Variants in GSE1 observed in about 807,000 individuals in gnomAD.
GSE1 encodes genetic suppressor element 1.
A neutral mutation model predicts 112.6 loss-of-function variants in GSE1; 32 were observed. That is an observed-to-expected ratio of 0.28 (90% CI 0.21 to 0.38). The LOEUF (loss-of-function observed/expected upper bound fraction) is 0.38. Ranked by LOEUF, GSE1 falls within the 10% of genes least tolerant of loss-of-function variation. The pLI is 1.00. For synonymous variants in GSE1, 1,115 were observed against 735.6 expected, an observed-to-expected ratio of 1.52 and a Z score of -8.35; for missense variants, 2,348 against 1,699.2, an observed-to-expected ratio of 1.38 and a Z score of -6.71.
At chr16:85,395,626 C>T (rs1165785759) in intron 2 of GSE1, among the ~76,000 whole-genome samples, 1 of 152,224 alleles carries the variant, frequency 6.6e-6, no homozygotes, top group Non-Finnish European at 1.5e-5. Flanking sequence ...CCAGACCTCC[C>T]TTTCTCTCCA....
At position 85,560,128 on chromosome 16, in the gene GSE1, CTTTTTTTT is replaced by C. The variant is rs377241566; in HGVS notation, c.37+3780_37+3787del. On this transcript the variant is annotated intron_variant, in intron 1 of 2. Transcript: ENST00000635906. Reference sequence around the variant, plus strand: ...CACAGAGCTTTTTTTTCTTCTTCTTCTTTTTTTTTTTTTTTTTTTTTTATGTGAGACGG... The same window carrying C: ...CACAGAGCTTTTTTTTCTTCTTCTTCTTTTTTTTTTTTTTATGTGAGACGG... Among the ~76,000 whole-genome samples the C allele has an allele frequency of 3.0e-5, 3 of 99,162 alleles. No individual in the cohort carries two copies. The East Asian group carries it at 9.2e-4, about 30-fold the overall frequency. The allele number at this position is 99,162 out of a possible 152,430, so 65.1% of individuals were successfully genotyped here. A position where few individuals can be genotyped will look rare whatever the true frequency, so the allele number is the denominator to read the frequency against.
chr16:85,482,100 T>C (rs942543785), intron 2 of GSE1, among the ~76,000 whole-genome samples: 1 of 152,220 alleles, frequency 6.6e-6, no homozygotes. Context: ...CAACTTGTCA[T>C]GTTTGTTCGG....
intron 2 of GSE1, among the ~76,000 whole-genome samples, chr16:85,545,943 C>G (rs1450529410): frequency 6.6e-6 from 1 of 151,850 alleles, no homozygotes; most frequent in Non-Finnish European, 1.5e-5. Flanking sequence ...CCACCACACT[C>G]GGCTAATTGT....
rs138593685 is a variant in GSE1 at position 85,428,756 on chromosome 16, C to A, written c.2464+71113C>A. On this transcript the variant is annotated intron_variant, in intron 2 of 2. Transcript: ENST00000637419. ...CCTGTTTGAATTCACCTCCCACCCC[C>A]CATTCTAGTTACCAGGGGTCCAGTG... 1.1e-3 allele frequency among the ~76,000 whole-genome samples: 175 copies of A among 152,270 alleles called. 1 individual carries two copies. Among genetic ancestry groups the A allele is most frequent in the Admixed American group, 8.0e-3 (123 of 15,294 alleles).
At chr16:85,663,311 C>T (rs1316934462) in intron 10 of GSE1, 33 bp from the exon 11 acceptor site, 2 of 1,610,638 alleles carry the variant, frequency 1.2e-6, no homozygotes, top group Middle Eastern at 1.7e-4. Flanking sequence ...CTGCCAGTGG[C>T]TTCAAACTCA....
At chr16:85,321,183 C>T (rs913614039) in intron 1 of GSE1, among the ~76,000 whole-genome samples, 1 of 152,190 alleles carries the variant, frequency 6.6e-6, no homozygotes, top group African/African-American at 2.4e-5. Context: ...GTTCCTGGCA[C>T]ACAGTAGGTG....
intron 2 of GSE1, among the ~76,000 whole-genome samples, chr16:85,380,915 T>A (rs2047532853): frequency 6.6e-6 from 1 of 152,194 alleles, no homozygotes. Context: ...TGGTAAAGTC[T>A]TTGCAATGCG....
At position 85,487,831 on chromosome 16, in the gene GSE1, C is replaced by T. The variant is rs80093153; in HGVS notation, c.2464+130188C>T. Among the ~76,000 whole-genome samples, 1,190 of 152,322 alleles carry T rather than the reference C, an allele frequency of 7.8e-3. 36 individuals carry two copies. In the East Asian group the frequency reaches 0.08, roughly 10 times the overall value. On this transcript the variant is annotated intron_variant, in intron 2 of 2. Transcript: ENST00000637419. Reference sequence around the variant, plus strand: ...CATCTGTGTGACCTTGCACGGTTAACGTGCCCTTTCCGCCTCAGTTGGTGG... The same window carrying T: ...CATCTGTGTGACCTTGCACGGTTAATGTGCCCTTTCCGCCTCAGTTGGTGG...
upstream of GSE1, among the ~76,000 whole-genome samples, chr16:85,607,995 T>TC (rs953279200): frequency 1.5e-4 from 23 of 151,846 alleles, no homozygotes; most frequent in African/African-American, 2.4e-4. Flanking sequence ...TCTGTATTCC[T>TC]CCCCCCCATG....
At chr16:85,356,262 G>A (rs933956692) in intron 1 of GSE1, among the ~76,000 whole-genome samples, 4 of 152,242 alleles carry the variant, frequency 2.6e-5, no homozygotes, top group African/African-American at 7.2e-5. Context: ...GGACCAGTGA[G>A]CCCAGGTGCA....
intron 1 of GSE1, among the ~76,000 whole-genome samples, chr16:85,195,675 G>T (rs1262352600): frequency 1.3e-5 from 2 of 152,204 alleles, no homozygotes; most frequent in Non-Finnish European, 2.9e-5. Context: ...GACCACTGCA[G>T]CGTCTTGTGG....
At chr16:85,651,051 TCC>T (rs2051301660) in intron 3 of GSE1, among the ~76,000 whole-genome samples, 1 of 34,518 alleles carries the variant, frequency 2.9e-5, no homozygotes, top group Non-Finnish European at 6.0e-5. Flanking sequence ...CCTCCGCCCC[TCC>T]TCCCCCTCCC....
chr16:85,481,985 C>T (rs1398684494), intron 2 of GSE1, among the ~76,000 whole-genome samples: 1 of 152,234 alleles, frequency 6.6e-6, no homozygotes, highest in Admixed American at 6.5e-5. Context: ...TGGCCGATGC[C>T]CTCGCCGGGA....
intron 2 of GSE1, among the ~76,000 whole-genome samples, chr16:85,362,578 T>G (rs1399046519): frequency 6.6e-6 from 1 of 152,200 alleles, no homozygotes; most frequent in African/African-American, 2.4e-5. Context: ...AATAAAATCC[T>G]TCTGGTAGCG....
intron 1 of GSE1, among the ~76,000 whole-genome samples, chr16:85,295,493 CT>C (rs2045341973): frequency 6.6e-6 from 1 of 152,238 alleles, no homozygotes; most frequent in Non-Finnish European, 1.5e-5. Flanking sequence ...CTGTCTCCAC[CT>C]TTCGGCTGCT....
intron 2 of GSE1, among the ~76,000 whole-genome samples, chr16:85,470,466 C>T (rs578095950): frequency 6.6e-6 from 1 of 152,336 alleles, no homozygotes; most frequent in East Asian, 1.9e-4. Context: ...CCCTTGGGGT[C>T]CCCTTCATGC....
chr16:85,520,666 A>G (rs151067546), intron 2 of GSE1, among the ~76,000 whole-genome samples: 4,566 of 151,540 alleles, frequency 0.03, 106 homozygotes, highest in South Asian at 0.1. Context: ...CAGGTAATCT[A>G]CCTGCCTCGG....
At chr16:85,623,072 C>T (rs1403069937) in intron 1 of GSE1, among the ~76,000 whole-genome samples, 2 of 152,112 alleles carry the variant, frequency 1.3e-5, no homozygotes, top group East Asian at 3.9e-4. Flanking sequence ...TTAGACTTTT[C>T]GGGAGAAACT....
rs567754084 is a variant in GSE1 at position 85,284,610 on chromosome 16, G to A, written c.2284-72853G>A. On this transcript the variant is annotated intron_variant, in intron 1 of 2. Coordinates refer to the GSE1 transcript ENST00000637419. ...GTGCAGATGCTGTATTCGAGCCAGC[G>A]AGGGGGTGGTGAGAACCTGCTAACT... Among the ~76,000 whole-genome samples, 15 of 152,340 alleles carry A rather than the reference G, an allele frequency of 9.8e-5. No individual in the cohort carries two copies. The South Asian group carries it at 1.0e-3, about 11-fold the overall frequency.
Sources: gnomAD v4.1 joint callset for allele counts (sites outside exome capture counted in the v4.1 genomes callset) on GRCh38, gnomAD v4.1.1 for gene constraint, MANE v1.5 for transcripts, NCBI Gene and HGNC (gene_info 2026-07-23, HGNC 2026-07-21) for gene names.